MACROD2: variants seen among roughly 807,000 people sequenced by gnomAD.
The protein encoded by MACROD2 is mono-ADP ribosylhydrolase 2, also known as ADP-ribose glycohydrolase MACROD2.
MACROD2 carries 36 observed loss-of-function variants against 70.4 expected under a neutral mutation model. The observed-to-expected ratio is 0.51, with a 90% CI of 0.39 to 0.68. The LOEUF (loss-of-function observed/expected upper bound fraction) is 0.68, where lower values mean the gene tolerates loss of function less well. Among genes scored for constraint, MACROD2 ranks in the 30% least tolerant of loss-of-function variants. MACROD2 has a pLI of 0.00. For synonymous variants in MACROD2, 172 were observed against 178.8 expected (o/e 0.96, Z 0.30); for missense variants, 496 against 538.4 (o/e 0.92, Z 0.78).
intron 8 of MACROD2, among the ~76,000 whole-genome samples, chr20:15,829,251 T>G (rs376065303): frequency 6.6e-6 from 1 of 152,278 alleles, no homozygotes; most frequent in East Asian, 1.9e-4. Context: ...TCCCATCTTA[T>G]ACTCAGATTT....
rs9941743 is a variant in MACROD2 at position 14,738,835 on chromosome 20, C to T, written c.418+53876C>T. Reference sequence around the variant, plus strand: ...TCACAAGTATCCTTAATATAGAGTACGCTATTGGAAAACAGAAGGGAAAAT... The same window carrying T: ...TCACAAGTATCCTTAATATAGAGTATGCTATTGGAAAACAGAAGGGAAAAT... On this transcript the variant is annotated intron_variant, in intron 5 of 17. Coordinates refer to ENST00000684519, the MANE Select transcript of MACROD2 (RefSeq NM_001351661.2). Among the ~76,000 whole-genome samples the T allele has an allele frequency of 5.7e-3, 867 of 151,466 alleles. 12 individuals are homozygous for T. Among genetic ancestry groups the T allele is most frequent in the African/African-American group, 0.02 (822 of 41,302 alleles).
At chr20:14,072,106 G>A (rs2053852223) in intron 2 of MACROD2, among the ~76,000 whole-genome samples, 1 of 152,162 alleles carries the variant, frequency 6.6e-6, no homozygotes, top group South Asian at 2.1e-4. Context: ...CTAGTACTTG[G>A]TGTGTTGTAT....
rs188454412 is a variant in MACROD2 at position 14,767,646 on chromosome 20, T to A, written c.418+82687T>A. ...TCTAATTTACTTTCTTTCTTTTTTT[T>A]AAAAAAAATTATATTTTAAGTTCTG... On this transcript the variant is annotated intron_variant, in intron 5 of 17. Transcript: ENST00000684519. Among the ~76,000 whole-genome samples the A allele has an allele frequency of 4.2e-3, 636 of 152,094 alleles. 7 individuals carry two copies. The East Asian group carries it at 0.055, about 13-fold the overall frequency.
chr20:15,648,106 G>A lies in MACROD2; in HGVS notation c.645+148259G>A, dbSNP rs143791780. On this transcript the variant is annotated intron_variant, in intron 8 of 17. Coordinates refer to ENST00000684519, the MANE Select transcript of MACROD2 (RefSeq NM_001351661.2). ...TTCTCAAAACACTGTAATGGATGAC[G>A]GCAGAGGTGTAACACTCAGGGAGGG... Among the ~76,000 whole-genome samples the A allele has an allele frequency of 3.8e-3, 576 of 152,302 alleles. 3 individuals carry two copies. The highest frequency in any genetic ancestry group is 4.9e-3 in the Non-Finnish European group (336 of 68,036).
At chr20:13,997,529 A>G (rs1361047610) in intron 1 of MACROD2, among the ~76,000 whole-genome samples, 1 of 152,228 alleles carries the variant, frequency 6.6e-6, no homozygotes, top group Non-Finnish European at 1.5e-5. Context: ...TAATAGAAAA[A>G]CAGTGTTCCT....
At chr20:14,662,052 G>A (rs905998706) in intron 4 of MACROD2, among the ~76,000 whole-genome samples, 1 of 152,040 alleles carries the variant, frequency 6.6e-6, no homozygotes, top group Non-Finnish European at 1.5e-5. Context: ...CATTTTAGTT[G>A]GATTGGATTC....
intron 5 of MACROD2, among the ~76,000 whole-genome samples, chr20:14,934,332 G>A (rs1031575239): frequency 6.6e-5 from 10 of 152,264 alleles, no homozygotes; most frequent in South Asian, 2.1e-4. Context: ...CCACATTCTC[G>A]TTAAGTGAGA....
At chr20:15,690,988 T>A (rs1429293209) in intron 8 of MACROD2, among the ~76,000 whole-genome samples, 1 of 152,202 alleles carries the variant, frequency 6.6e-6, no homozygotes, top group African/African-American at 2.4e-5. Context: ...TTATTCCTAC[T>A]TTAGGTATAT....
intron 13 of MACROD2, among the ~76,000 whole-genome samples, chr20:15,974,721 T>C (rs1179384549): frequency 1.3e-5 from 2 of 152,138 alleles, no homozygotes; most frequent in Admixed American, 1.3e-4. Context: ...AATTTTGCTG[T>C]AAACCTAAAA....
At chr20:14,387,617 G>A (rs2083482812) in intron 3 of MACROD2, among the ~76,000 whole-genome samples, 1 of 152,294 alleles carries the variant, frequency 6.6e-6, no homozygotes, top group Admixed American at 6.5e-5. Context: ...AAACACACAA[G>A]CACAATTGTT....
intron 5 of MACROD2, among the ~76,000 whole-genome samples, chr20:15,209,036 G>T (rs2145943303): frequency 6.6e-6 from 1 of 152,178 alleles, no homozygotes; most frequent in East Asian, 1.9e-4. Context: ...GTGCTGTATG[G>T]TTGGAATAGG....
intron 5 of MACROD2, among the ~76,000 whole-genome samples, chr20:14,697,901 ATT>A (rs2123626576): frequency 6.6e-6 from 1 of 152,286 alleles, no homozygotes; most frequent in East Asian, 1.9e-4. Context: ...CTAGGCAAGG[ATT>A]TTTACCCTGT....
intron 5 of MACROD2, among the ~76,000 whole-genome samples, chr20:14,818,989 G>A (rs1027695788): frequency 6.6e-6 from 1 of 151,754 alleles, no homozygotes; most frequent in African/African-American, 2.4e-5. Flanking sequence ...GCTTGGCTGG[G>A]CATGGTGGCT....
At chr20:14,106,269 A>C (rs1056295630) in intron 3 of MACROD2, among the ~76,000 whole-genome samples, 4 of 152,052 alleles carry the variant, frequency 2.6e-5, no homozygotes, top group African/African-American at 4.8e-5. Context: ...ACAGAACCCC[A>C]CATGGGCTGG....
chr20:15,796,523 C>T (rs2063675560), intron 8 of MACROD2, among the ~76,000 whole-genome samples: 1 of 152,162 alleles, frequency 6.6e-6, no homozygotes, highest in Non-Finnish European at 1.5e-5. Flanking sequence ...ATTGAATGTG[C>T]AGGCTCTAAA....
At chr20:15,391,178 T>C (rs1328399519) in intron 6 of MACROD2, among the ~76,000 whole-genome samples, 1 of 152,202 alleles carries the variant, frequency 6.6e-6, no homozygotes, top group African/African-American at 2.4e-5. Context: ...TCCTGCCTGC[T>C]TCTGAGGTTT....
intron 3 of MACROD2, among the ~76,000 whole-genome samples, chr20:14,427,513 A>T (rs1476667638): frequency 6.6e-6 from 1 of 151,330 alleles, no homozygotes; most frequent in Admixed American, 6.6e-5. Flanking sequence ...TATATGTATG[A>T]TATATAATAT....
At chr20:14,916,551 A>G (rs996985752) in intron 5 of MACROD2, among the ~76,000 whole-genome samples, 3 of 152,188 alleles carry the variant, frequency 2.0e-5, no homozygotes, top group Non-Finnish European at 2.9e-5. Context: ...AAACAAGATA[A>G]CTTCAGGAGC....
chr20:14,827,654 CTG>C (rs2122225638), intron 5 of MACROD2, among the ~76,000 whole-genome samples: 1 of 151,028 alleles, frequency 6.6e-6, no homozygotes, highest in African/African-American at 2.4e-5. Context: ...TAATTAGTAA[CTG>C]TGTTTTATTT....
Sources: gnomAD v4.1 joint callset for allele counts (sites outside exome capture counted in the v4.1 genomes callset) on GRCh38, gnomAD v4.1.1 for gene constraint, MANE v1.5 for transcripts, NCBI Gene and HGNC (gene_info 2026-07-23, HGNC 2026-07-21) for gene names.